The following PBX1 variants were observed in gnomAD, a reference collection of about 807,000 sequenced individuals.
PBX1 encodes the protein pre-B-cell leukemia transcription factor 1.
In PBX1, 6 loss-of-function variants were observed where a neutral mutation model predicts 53.4. The observed-to-expected ratio is 0.11, with a 90% CI of 0.06 to 0.22. The LOEUF (loss-of-function observed/expected upper bound fraction) is 0.22, where lower values mean the gene tolerates loss of function less well. PBX1 is among the 10% of genes least tolerant of loss of function. PBX1 has a pLI of 1.00. For synonymous variants in PBX1, 204 were observed against 212.3 expected (o/e 0.96, Z 0.34); for missense variants, 251 against 551.4 (o/e 0.46, Z 5.46).
chr1:164,773,912 A>G (rs143387457), intron 2 of PBX1, among the ~76,000 whole-genome samples: 2 of 152,364 alleles, frequency 1.3e-5, no homozygotes, highest in Non-Finnish European at 2.9e-5. Flanking sequence ...AGAACTTAAG[A>G]AAGCCAGGAA....
chr1:164,836,147 T>C (rs578180293), intron 8 of PBX1, among the ~76,000 whole-genome samples: 1 of 152,288 alleles, frequency 6.6e-6, no homozygotes, highest in South Asian at 2.1e-4. Flanking sequence ...GAAAATGGTA[T>C]TTTGAGTGAC....
chr1:164,638,221 G>C (rs1265729402), intron 2 of PBX1, among the ~76,000 whole-genome samples: 2 of 152,232 alleles, frequency 1.3e-5, no homozygotes, highest in Admixed American at 1.3e-4. Context: ...CACTTGCGCA[G>C]ATTTCTGCGC....
chr1:164,603,819 A>G (rs1212652793), intron 2 of PBX1, among the ~76,000 whole-genome samples: 1 of 151,326 alleles, frequency 6.6e-6, no homozygotes, highest in Non-Finnish European at 1.5e-5. Context: ...TATACTTTTC[A>G]GTTTAGTACC....
At chr1:164,598,633 T>A (rs144779072) in intron 2 of PBX1, among the ~76,000 whole-genome samples, 29 of 152,248 alleles carry the variant, frequency 1.9e-4, no homozygotes, top group African/African-American at 6.3e-4. Flanking sequence ...AAAACCTGAT[T>A]GCATTTGATT....
At chr1:164,637,669 G>T (rs1192469407) in intron 2 of PBX1, among the ~76,000 whole-genome samples, 1 of 152,232 alleles carries the variant, frequency 6.6e-6, no homozygotes, top group African/African-American at 2.4e-5. Flanking sequence ...TTTGCCCTCA[G>T]TGAGGAGAGG....
At chr1:164,591,559 A>G (rs1490282124) in intron 2 of PBX1, among the ~76,000 whole-genome samples, 2 of 152,218 alleles carry the variant, frequency 1.3e-5, no homozygotes, top group Admixed American at 1.3e-4. Flanking sequence ...GCATTTGCAT[A>G]CAATAAATGT....
chr1:164,681,851 C>G (rs1363181854), intron 2 of PBX1, among the ~76,000 whole-genome samples: 1 of 152,064 alleles, frequency 6.6e-6, no homozygotes, highest in Non-Finnish European at 1.5e-5. Flanking sequence ...AAAATTAAAC[C>G]CTTTTGTCCT....
chr1:164,773,132 A>G (rs1038690272), intron 2 of PBX1: 2 of 151,950 alleles, frequency 1.3e-5, no homozygotes, highest in African/African-American at 4.8e-5. Context: ...TACTGTAATT[A>G]TTTTGGTTGC....
intron 2 of PBX1, among the ~76,000 whole-genome samples, chr1:164,748,836 G>A (rs1666040735): frequency 6.6e-6 from 1 of 152,138 alleles, no homozygotes; most frequent in Non-Finnish European, 1.5e-5. Flanking sequence ...CATGGGACTA[G>A]GATGGGGTGA....
At chr1:164,757,879 T>G (rs1666614262) in intron 2 of PBX1, among the ~76,000 whole-genome samples, 1 of 152,190 alleles carries the variant, frequency 6.6e-6, no homozygotes, top group African/African-American at 2.4e-5. Flanking sequence ...CTGGTCAAAG[T>G]GAACCTTTGG....
chr1:164,824,167 C>A (rs1438952168), intron 8 of PBX1, among the ~76,000 whole-genome samples: 3 of 152,192 alleles, frequency 2.0e-5, no homozygotes, highest in African/African-American at 7.2e-5. Flanking sequence ...TTTATCTGCT[C>A]CCCTGGCTGG....
At chr1:164,811,547 T>A (rs887227378) in intron 5 of PBX1, among the ~76,000 whole-genome samples, 7 of 152,222 alleles carry the variant, frequency 4.6e-5, no homozygotes, top group Admixed American at 1.3e-4. Context: ...GCAATTAATC[T>A]ATCACACGAA....
At chr1:164,689,508 A>G (rs918718931) in intron 2 of PBX1, among the ~76,000 whole-genome samples, 3 of 152,176 alleles carry the variant, frequency 2.0e-5, no homozygotes, top group Non-Finnish European at 2.9e-5. Context: ...TTTCTGTCAG[A>G]TGCCAATCCA....
At chr1:164,675,209 A>T (rs2800806) in intron 2 of PBX1, among the ~76,000 whole-genome samples, 104,367 of 151,818 alleles carry the variant, frequency 0.69, 37,170 homozygotes, top group Non-Finnish European at 0.79. Flanking sequence ...AAAAGTATAA[A>T]ACCATTTCAT....
chr1:164,710,576 T>A (rs1663698928), intron 2 of PBX1, among the ~76,000 whole-genome samples: 1 of 152,002 alleles, frequency 6.6e-6, no homozygotes, highest in South Asian at 2.1e-4. Context: ...CACACCTGGC[T>A]AATTTTGTAT....
At chr1:164,585,499 T>C (rs1478388218) in intron 2 of PBX1, among the ~76,000 whole-genome samples, 1 of 152,058 alleles carries the variant, frequency 6.6e-6, no homozygotes, top group Non-Finnish European at 1.5e-5. Context: ...GAGGTTGGGG[T>C]TGGGGGACAG....
intron 8 of PBX1, among the ~76,000 whole-genome samples, chr1:164,826,779 C>A (rs1670487398): frequency 6.6e-6 from 1 of 152,086 alleles, no homozygotes; most frequent in Non-Finnish European, 1.5e-5. Flanking sequence ...TAAATAGATA[C>A]CCCTGTGGAT....
In PBX1 at chr1:164,593,355, T is replaced by C. The variant is rs1036899573; in HGVS notation, c.265+30044T>C. ...CTGGTGGGTTGCTGTAGTAGCACTT[T>C]TATTTTTCAAATGTTAGGTGGACCC... is the stretch of plus-strand genomic sequence containing the variant. On this transcript the variant is annotated intron_variant, in intron 2 of 8. Transcript: ENST00000420696. 3.1e-4 allele frequency among the ~76,000 whole-genome samples: 47 copies of C among 152,184 alleles called. 1 individual carries two copies. Among genetic ancestry groups the C allele is most frequent in the Admixed American group, 2.7e-3 (42 of 15,290 alleles).
chr1:164,847,403 G>A lies in PBX1; in HGVS notation c.*727G>A. On this transcript the variant is annotated 3_prime_UTR_variant, in exon 9 of 9. Coordinates refer to ENST00000420696, the MANE Select transcript of PBX1 (RefSeq NM_002585.4). ...AGTCAGGCAGCAGGGAAGGACACGG[G>A]AACAGCAGGTGGAGAATTCCTACAG... 9.4e-7 allele frequency: 1 copy of A among 1,064,398 alleles called. No individual in the cohort carries two copies. The highest frequency in any genetic ancestry group is 1.6e-5 in the African/African-American group (1 of 61,148). 65.9% of individuals were successfully genotyped at this position (1,064,398 alleles called of 1,614,324 possible). A position where few individuals can be genotyped will look rare whatever the true frequency, so the allele number is the denominator to read the frequency against.
Sources: allele counts gnomAD v4.1 joint callset (sites outside exome capture counted in the v4.1 genomes callset), GRCh38; gene constraint gnomAD v4.1.1; transcripts MANE v1.5; gene names NCBI Gene and HGNC (gene_info 2026-07-23, HGNC 2026-07-21).